The following ZNF536 variants were observed in gnomAD, a reference collection of about 807,000 sequenced individuals.
ZNF536 encodes zinc finger protein 536.
A neutral mutation model predicts 84.5 loss-of-function variants in ZNF536; 13 were observed. The ratio of observed to expected loss-of-function variants is 0.15; its 90% CI spans 0.10 to 0.24. The LOEUF (loss-of-function observed/expected upper bound fraction) is 0.24, where lower values mean the gene tolerates loss of function less well. ZNF536 is among the 10% of genes least tolerant of loss of function. The pLI is 1.00. For synonymous variants in ZNF536, 811 were observed against 742.5 expected (o/e 1.09, Z -1.50); for missense variants, 1,536 against 1,747.5 (o/e 0.88, Z 2.16).
At chr19:30,429,509 T>C (rs1344377987) in intron 1 of ZNF536, among the ~76,000 whole-genome samples, 3 of 152,054 alleles carry the variant, frequency 2.0e-5, no homozygotes, top group Non-Finnish European at 2.9e-5. Context: ...CATCGTCAGC[T>C]CACCCCAAAG....
At chr19:30,575,929 T>C (rs2046717521) in intron 1 of ZNF536, among the ~76,000 whole-genome samples, 1 of 152,186 alleles carries the variant, frequency 6.6e-6, no homozygotes, top group Non-Finnish European at 1.5e-5. Context: ...GGCCTAGGCC[T>C]TGTGGCCACA....
chr19:30,661,687 C>T (rs1377145220), intron 1 of ZNF536, among the ~76,000 whole-genome samples: 1 of 151,948 alleles, frequency 6.6e-6, no homozygotes, highest in African/African-American at 2.4e-5. Context: ...ACTGACAAGC[C>T]CAAGAATAGG....
At chr19:30,608,253 G>A (rs1281390277) in intron 1 of ZNF536, among the ~76,000 whole-genome samples, 2 of 152,142 alleles carry the variant, frequency 1.3e-5, no homozygotes, top group Non-Finnish European at 2.9e-5. Context: ...ATCACTGTGG[G>A]CAGAAGAAAT....
chr19:30,288,106 T>G (rs558532037), intron 2 of ZNF536, among the ~76,000 whole-genome samples: 1 of 152,316 alleles, frequency 6.6e-6, no homozygotes, highest in South Asian at 2.1e-4. Flanking sequence ...AAAAATGTCT[T>G]TAAAAATCCA....
chr19:30,328,537 T>C (rs1408169238), intron 2 of ZNF536, among the ~76,000 whole-genome samples: 2 of 152,338 alleles, frequency 1.3e-5, no homozygotes, highest in Admixed American at 6.5e-5. Flanking sequence ...ATTCAATAAA[T>C]GGTGATGCAT....
At chr19:30,523,918 G>A (rs1038163249) in intron 2 of ZNF536, among the ~76,000 whole-genome samples, 3 of 152,214 alleles carry the variant, frequency 2.0e-5, no homozygotes, top group Non-Finnish European at 2.9e-5. Flanking sequence ...AAACAAGAAC[G>A]TATTTGTGAG....
intron 1 of ZNF536, among the ~76,000 whole-genome samples, chr19:30,576,872 G>A (rs1314318510): frequency 1.3e-5 from 2 of 152,144 alleles, no homozygotes; most frequent in African/African-American, 4.8e-5. Flanking sequence ...GTCTCTTTAG[G>A]GAGGCACTCT....
intron 1 of ZNF536, among the ~76,000 whole-genome samples, chr19:30,440,252 T>C (rs1045651552): frequency 1.3e-5 from 2 of 152,136 alleles, no homozygotes; most frequent in East Asian, 1.9e-4. Flanking sequence ...TAAGCCACCA[T>C]GGCCGGCCAG....
chr19:30,702,088 C>A (rs1441964535), intron 1 of ZNF536, among the ~76,000 whole-genome samples: 1 of 152,234 alleles, frequency 6.6e-6, no homozygotes, highest in African/African-American at 2.4e-5. Context: ...ACAAAGCCAG[C>A]TGCCCACAAG....
At chr19:30,595,061 A>G (rs559672228) in intron 1 of ZNF536, among the ~76,000 whole-genome samples, 2 of 152,122 alleles carry the variant, frequency 1.3e-5, no homozygotes, top group African/African-American at 2.4e-5. Context: ...GCACAGAGGT[A>G]GGTCTCAAAG....
chr19:30,498,305 G>A (rs1312194093), intron 2 of ZNF536, among the ~76,000 whole-genome samples: 1 of 152,154 alleles, frequency 6.6e-6, no homozygotes, highest in Non-Finnish European at 1.5e-5. Context: ...GGATGGAGCT[G>A]GAAGCCATTA....
exon 2 of ZNF536, chr19:30,712,894 T>C (rs888842606): frequency 6.6e-6 from 1 of 151,126 alleles, no homozygotes; most frequent in African/African-American, 2.4e-5. Context: ...TTTCTGTGTT[T>C]GCTCTGCCTT....
chr19:30,453,702 C>A (rs150634647), intron 2 of ZNF536, among the ~76,000 whole-genome samples: 1 of 152,214 alleles, frequency 6.6e-6, no homozygotes, highest in African/African-American at 2.4e-5. Flanking sequence ...CAAAACAATG[C>A]GTGTCTGAAC....
intron 1 of ZNF536, among the ~76,000 whole-genome samples, chr19:30,649,421 A>T (rs1047737196): frequency 2.0e-5 from 3 of 152,206 alleles, no homozygotes; most frequent in African/African-American, 7.2e-5. Flanking sequence ...ATACGCTTTA[A>T]TTCTAAACTT....
chr19:30,483,899 C>T (rs998086491), intron 2 of ZNF536, among the ~76,000 whole-genome samples: 3 of 152,102 alleles, frequency 2.0e-5, no homozygotes, highest in African/African-American at 7.2e-5. Flanking sequence ...CTGACTCCTG[C>T]AAGTTTCCCC....
At chr19:30,599,532 G>T (rs1291535179) in intron 1 of ZNF536, among the ~76,000 whole-genome samples, 1 of 128,634 alleles carries the variant, frequency 7.8e-6, no homozygotes, top group Non-Finnish European at 1.6e-5. Context: ...CCCTCCCCCA[G>T]CCCTTGTCTA....
chr19:30,482,668 A>C lies in ZNF536; in HGVS notation c.2170+36936A>C, dbSNP rs114483908. Among the ~76,000 whole-genome samples, 414 of 152,306 alleles carry C rather than the reference A, an allele frequency of 2.7e-3. 2 individuals carry two copies. Among genetic ancestry groups the C allele is most frequent in the African/African-American group, 9.5e-3 (393 of 41,554 alleles). ...AATGAAGTTATCATCAAGATAGGTCAAGGTCTTGTCAGATGAATGAAAACA... is the reference window on the plus strand; with the variant it reads ...AATGAAGTTATCATCAAGATAGGTCCAGGTCTTGTCAGATGAATGAAAACA... On this transcript the variant is annotated intron_variant, in intron 2 of 4. Transcript: ENST00000355537.
chr19:30,381,617 A>T (rs530808673), intron 1 of ZNF536, among the ~76,000 whole-genome samples: 1 of 152,286 alleles, frequency 6.6e-6, no homozygotes, highest in South Asian at 2.1e-4. Context: ...TGAGATGGGA[A>T]ATTAGGCCAT....
At chr19:30,373,177 T>A (rs1437666892) in intron 1 of ZNF536, among the ~76,000 whole-genome samples, 1 of 152,216 alleles carries the variant, frequency 6.6e-6, no homozygotes, top group Non-Finnish European at 1.5e-5. Context: ...TAAAAGTTAA[T>A]AGCACTTGTG....
Sources: gnomAD v4.1 joint callset for allele counts (sites outside exome capture counted in the v4.1 genomes callset) on GRCh38, gnomAD v4.1.1 for gene constraint, MANE v1.5 for transcripts, NCBI Gene and HGNC (gene_info 2026-07-23, HGNC 2026-07-21) for gene names.